The following SLC35B4 variants were observed in gnomAD, a reference collection of about 807,000 sequenced individuals.
SLC35B4 encodes solute carrier family 35 member B4.
Under a neutral mutation model 39.5 loss-of-function variants are expected in SLC35B4, and 28 were observed. That is an observed-to-expected ratio of 0.71 (90% CI 0.53 to 0.97). The LOEUF (loss-of-function observed/expected upper bound fraction) is 0.97. Among genes scored for constraint, SLC35B4 ranks in the 50% least tolerant of loss-of-function variants. SLC35B4 has a pLI of 0.00. For missense variants in SLC35B4, 334 were observed against 414.3 expected (o/e 0.81, Z 1.68); for synonymous variants, 145 against 150.4 (o/e 0.96, Z 0.26).
upstream of SLC35B4, among the ~76,000 whole-genome samples, chr7:134,319,119 A>G (rs538152050): frequency 2.0e-5 from 3 of 152,336 alleles, no homozygotes; most frequent in African/African-American, 7.2e-5. Context: ...TTCTCAGACC[A>G]AAATCATGCT....
At chr7:134,299,708 G>A (rs761933074) in intron 7 of SLC35B4, 110 bp from the exon 8 acceptor site, 5 of 902,000 alleles carry the variant, frequency 5.5e-6, no homozygotes, top group African/African-American at 1.7e-5. Context: ...GCAATACAAA[G>A]AAAAGCAAGT....
At chr7:134,299,460 A>G (rs1485620141) in intron 8 of SLC35B4, 63 bp downstream of exon 8, 2 of 1,329,642 alleles carry the variant, frequency 1.5e-6, no homozygotes, top group African/African-American at 2.9e-5. Flanking sequence ...TCAAGTCAAG[A>G]GTAAAACTGA....
intron 4 of SLC35B4, among the ~76,000 whole-genome samples, chr7:134,303,600 T>C (rs1803642150): frequency 6.6e-6 from 1 of 152,204 alleles, no homozygotes; most frequent in Non-Finnish European, 1.5e-5. Context: ...GGACAATTGT[T>C]CTTTTTATGA....
chr7:134,304,386 G>A (rs56166920), intron 4 of SLC35B4, among the ~76,000 whole-genome samples: 2,924 of 151,744 alleles, frequency 0.019, 113 homozygotes, highest in African/African-American at 0.068. Context: ...GTGAGACCTC[G>A]TCTCCAAAAA....
At position 134,295,548 on chromosome 7, in the gene SLC35B4, G is replaced by A. The variant is rs758117158; in HGVS notation, c.750-469C>T. ...TTTTATAATGAAAGTAAGGTCATTCGAAATAACCATTTTAAAAAACGAAAA... is the reference window on the plus strand; with the variant it reads ...TTTTATAATGAAAGTAAGGTCATTCAAAATAACCATTTTAAAAAACGAAAA... On this transcript the variant is annotated intron_variant, in intron 9 of 9. Transcript: ENST00000378509. 1.9e-4 allele frequency among the ~76,000 whole-genome samples: 29 copies of A among 151,946 alleles called. 1 individual carries two copies. Among genetic ancestry groups the A allele is most frequent in the Non-Finnish European group, 3.1e-4 (21 of 68,004 alleles).
At chr7:134,302,811 T>C (rs1374440266) in intron 4 of SLC35B4, among the ~76,000 whole-genome samples, 1 of 152,146 alleles carries the variant, frequency 6.6e-6, no homozygotes, top group Non-Finnish European at 1.5e-5. Context: ...CCAGGTTTTC[T>C]ACTCAAATAC....
At chr7:134,299,439 A>T in intron 8 of SLC35B4, 84 bp downstream of exon 8, 1 of 1,099,348 alleles carries the variant, frequency 9.1e-7, no homozygotes, top group African/African-American at 1.6e-5. Flanking sequence ...GGATTATGAA[A>T]AAGGCCGAGG....
intron 3 of SLC35B4, among the ~76,000 whole-genome samples, chr7:134,305,827 C>T (rs562853213): frequency 2.0e-5 from 3 of 152,178 alleles, no homozygotes; most frequent in African/African-American, 4.8e-5. Context: ...TGTGCCACCA[C>T]GCCCAGCTAA....
At chr7:134,306,075 T>C (rs554415568) in intron 3 of SLC35B4, among the ~76,000 whole-genome samples, 3 of 152,320 alleles carry the variant, frequency 2.0e-5, no homozygotes, top group African/African-American at 7.2e-5. Flanking sequence ...TTTTCAATGC[T>C]TTGAAGGTCA....
At chr7:134,312,176 A>G (rs1216410936) in intron 1 of SLC35B4, among the ~76,000 whole-genome samples, 1 of 152,170 alleles carries the variant, frequency 6.6e-6, no homozygotes, top group Non-Finnish European at 1.5e-5. Context: ...TCAGCCTTTA[A>G]AAGACATTCC....
At chr7:134,309,309 CA>C in intron 2 of SLC35B4, 56 bp downstream of exon 2, 1 of 952,982 alleles carries the variant, frequency 1.0e-6, no homozygotes, top group Non-Finnish European at 1.5e-6. Flanking sequence ...ATACAGGTAC[CA>C]CCTCTTTACT....
rs1414309252 is a variant in SLC35B4, at chr7:134,291,846, T to C, written c.*2987A>G. Reference sequence around the variant, plus strand: ...TGAAAAAGATAACATGTTTCTAATATGACAATAGAGTTTTGGCCAAAGATA... The same window carrying C: ...TGAAAAAGATAACATGTTTCTAATACGACAATAGAGTTTTGGCCAAAGATA... On this transcript the variant is annotated 3_prime_UTR_variant, in exon 10 of 10. Transcript: ENST00000378509. The C allele has an allele frequency of 1.3e-5, 2 of 152,246 alleles. No individual in the cohort carries two copies. The highest frequency in any genetic ancestry group is 1.5e-5 in the Non-Finnish European group (1 of 68,046). 9.4% of individuals were successfully genotyped at this position (152,246 alleles called of 1,614,324 possible).
At chr7:134,311,306 TC>T (rs1340518059) in intron 1 of SLC35B4, among the ~76,000 whole-genome samples, 1 of 152,192 alleles carries the variant, frequency 6.6e-6, no homozygotes, top group Non-Finnish European at 1.5e-5. Context: ...TCTAGATGGT[TC>T]CTAGCACGGT....
At chr7:134,296,263 C>T in intron 9 of SLC35B4, 128 bp downstream of exon 9, 3 of 835,422 alleles carry the variant, frequency 3.6e-6, no homozygotes, top group Non-Finnish European at 5.8e-6. Context: ...CTGTCTCCAG[C>T]TTACCGCAGA....
intron 9 of SLC35B4, chr7:134,295,286 C>CA: frequency 3.6e-6 from 2 of 548,118 alleles, no homozygotes; most frequent in Non-Finnish European, 6.4e-6. Flanking sequence ...TTGAAACCGC[C>CA]AAAAAACCCC....
intron 3 of SLC35B4, 77 bp downstream of exon 3, chr7:134,306,595 G>T: frequency 8.2e-7 from 1 of 1,215,458 alleles, no homozygotes; most frequent in Non-Finnish European, 1.2e-6. Flanking sequence ...GAACCTTCTA[G>T]TTCTGCCATA....
At chr7:134,312,523 G>T (rs1803868493) in intron 1 of SLC35B4, among the ~76,000 whole-genome samples, 1 of 152,118 alleles carries the variant, frequency 6.6e-6, no homozygotes, top group Non-Finnish European at 1.5e-5. Flanking sequence ...GACAGACCAT[G>T]TCCCATTTAC....
intron 1 of SLC35B4, among the ~76,000 whole-genome samples, chr7:134,310,706 G>A (rs1643101): frequency 6.6e-6 from 1 of 151,664 alleles, no homozygotes; most frequent in Non-Finnish European, 1.5e-5. Context: ...CACCAGGCCC[G>A]GCTAATTTTT....
In SLC35B4 at chr7:134,292,952, A is replaced by T. The variant is rs1585630147; in HGVS notation, c.*1881T>A. The T allele has an allele frequency of 6.6e-6, 1 of 152,186 alleles. No individual in the cohort carries two copies. Among genetic ancestry groups the T allele is most frequent in the East Asian group, 1.9e-4 (1 of 5,188 alleles). 9.4% of individuals were successfully genotyped at this position (152,186 alleles called of 1,614,324 possible). On this transcript the variant is annotated 3_prime_UTR_variant, in exon 10 of 10. Coordinates refer to ENST00000378509, the MANE Select transcript of SLC35B4 (RefSeq NM_032826.5). Reference sequence around the variant, plus strand: ...CCACATTTTAAGTAACAAAAACCCGAGGCAGCTTAAATGACTTCTCCAAGC... The same window carrying T: ...CCACATTTTAAGTAACAAAAACCCGTGGCAGCTTAAATGACTTCTCCAAGC...
Sources: gnomAD v4.1 joint callset for allele counts (sites outside exome capture counted in the v4.1 genomes callset) on GRCh38, gnomAD v4.1.1 for gene constraint, MANE v1.5 for transcripts, NCBI Gene and HGNC (gene_info 2026-07-23, HGNC 2026-07-21) for gene names.